Variants in ARHGAP35 observed in about 807,000 individuals in gnomAD.
ARHGAP35 encodes Rho GTPase activating protein 35.
Under a neutral mutation model 111.1 loss-of-function variants are expected in ARHGAP35, and 15 were observed. That is an observed-to-expected ratio of 0.13 (90% CI 0.09 to 0.21). The LOEUF (loss-of-function observed/expected upper bound fraction) is 0.21, where lower values mean the gene tolerates loss of function less well. Ranked by LOEUF, ARHGAP35 falls within the 10% of genes least tolerant of loss-of-function variation. ARHGAP35 has a pLI of 1.00. For missense variants in ARHGAP35, 1,262 were observed against 1,873.0 expected (o/e 0.67, Z 6.02); for synonymous variants, 643 against 710.3 (o/e 0.91, Z 1.51).
chr19:46,897,695 C>CAAA (rs11434545), intron 1 of ARHGAP35, among the ~76,000 whole-genome samples: 32 of 133,698 alleles, frequency 2.4e-4, no homozygotes, highest in Middle Eastern at 3.6e-3. Flanking sequence ...GATCTTTAAC[C>CAAA]AAAAAAAAAA....
At chr19:46,863,955 A>G (rs2055842423) in intron 1 of ARHGAP35, among the ~76,000 whole-genome samples, 1 of 152,200 alleles carries the variant, frequency 6.6e-6, no homozygotes, top group African/African-American at 2.4e-5. Context: ...TTGTTTGTTG[A>G]AAGAGAGAGT....
At chr19:46,933,198 C>T (rs1369179558) in intron 2 of ARHGAP35, among the ~76,000 whole-genome samples, 2 of 138,572 alleles carry the variant, frequency 1.4e-5, no homozygotes, top group East Asian at 4.1e-4. Context: ...GGCTGGAGTG[C>T]AGTGGCACAA....
In ARHGAP35 at chr19:47,001,202, A is replaced by C. The variant is rs2056746559; in HGVS notation, c.*514A>C. ...GCTGGCGGCCTCCTTGGGAACGTGT[A>C]GGCCACGGCTCTGCCACCACTAGGT... is the stretch of plus-strand genomic sequence containing the variant. On this transcript the variant is annotated 3_prime_UTR_variant, in exon 7 of 7. Coordinates refer to ENST00000672722, the MANE Select transcript of ARHGAP35 (RefSeq NM_004491.5). This position sits in a 1 kb window ranked among gnomAD's most constrained non-coding sequence, Gnocchi z 5.4. 5.5e-6 allele frequency: 7 copies of C among 1,264,750 alleles called. No homozygotes were observed. In the Admixed American group the frequency reaches 7.6e-5, roughly 14 times the overall value. The allele number at this position is 1,264,750 out of a possible 1,614,324, so 78.3% of individuals were successfully genotyped here. A position where few individuals can be genotyped will look rare whatever the true frequency, so the allele number is the denominator to read the frequency against.
At chr19:46,936,960 C>T (rs1230734026) in intron 2 of ARHGAP35, among the ~76,000 whole-genome samples, 3 of 151,944 alleles carry the variant, frequency 2.0e-5, no homozygotes, top group Non-Finnish European at 1.5e-5. Flanking sequence ...CTGCCTCAGC[C>T]TCCCAAGTAG....
At chr19:46,893,521 C>A (rs1297480595) in intron 1 of ARHGAP35, among the ~76,000 whole-genome samples, 2 of 151,928 alleles carry the variant, frequency 1.3e-5, no homozygotes, top group Non-Finnish European at 2.9e-5. Context: ...TGGGCACCAA[C>A]TTCTGCTTGG....
In ARHGAP35 at chr19:47,004,574, A is replaced by G. The variant is rs373991750; in HGVS notation, c.*3886A>G. Reference sequence around the variant, plus strand: ...GAAAATTTGGAATAGTGCTGCTGCCAGCTTATTTTTCTGGTACTTGTATTT... The same window carrying G: ...GAAAATTTGGAATAGTGCTGCTGCCGGCTTATTTTTCTGGTACTTGTATTT... On this transcript the variant is annotated 3_prime_UTR_variant, in exon 7 of 7. Transcript: ENST00000672722. 2.0e-5 allele frequency: 3 copies of G among 152,820 alleles called. No individual in the cohort carries two copies. The East Asian group carries it at 5.8e-4, about 29-fold the overall frequency. 9.5% of individuals were successfully genotyped at this position (152,820 alleles called of 1,614,324 possible).
chr19:46,942,093 C>G (rs2056350753), intron 3 of ARHGAP35, among the ~76,000 whole-genome samples: 1 of 151,958 alleles, frequency 6.6e-6, no homozygotes, highest in Non-Finnish European at 1.5e-5. Context: ...ACCCTTATTT[C>G]CTAAGAAAAC....
At chr19:46,873,840 C>G (rs954806364) in intron 1 of ARHGAP35, among the ~76,000 whole-genome samples, 1 of 152,008 alleles carries the variant, frequency 6.6e-6, no homozygotes, top group African/African-American at 2.4e-5. Context: ...CTTCCGCCTC[C>G]GGGGTACACG....
At chr19:46,896,380 T>G (rs527533963) in intron 1 of ARHGAP35, among the ~76,000 whole-genome samples, 1 of 152,318 alleles carries the variant, frequency 6.6e-6, no homozygotes, top group African/African-American at 2.4e-5. Context: ...CAAGTCCCTG[T>G]CTCAAATAAA....
intron 1 of ARHGAP35, among the ~76,000 whole-genome samples, chr19:46,910,296 T>G (rs186945256): frequency 6.6e-6 from 1 of 151,994 alleles, no homozygotes; most frequent in African/African-American, 2.4e-5. Context: ...ATTTTTTTTC[T>G]TTTATTTTTT....
At chr19:46,867,243 T>C (rs537239399) in intron 1 of ARHGAP35, among the ~76,000 whole-genome samples, 51 of 152,258 alleles carry the variant, frequency 3.3e-4, no homozygotes, top group Non-Finnish European at 6.5e-4. Flanking sequence ...TCTTCCTTTA[T>C]TGAAACGAAC....
intron 1 of ARHGAP35, among the ~76,000 whole-genome samples, chr19:46,873,084 A>G (rs1004461460): frequency 3.3e-5 from 5 of 152,276 alleles, no homozygotes; most frequent in Admixed American, 2.6e-4. Context: ...TAGGTCCCCA[A>G]AGCAGTCTGG....
intron 1 of ARHGAP35, among the ~76,000 whole-genome samples, chr19:46,917,450 A>G (rs2056170472): frequency 6.6e-6 from 1 of 152,114 alleles, no homozygotes; most frequent in Non-Finnish European, 1.5e-5. Flanking sequence ...TCTACTAAAA[A>G]TACAAAAGTT....
chr19:46,924,577 A>C (rs944201251), intron 2 of ARHGAP35, among the ~76,000 whole-genome samples: 2 of 152,150 alleles, frequency 1.3e-5, no homozygotes, highest in African/African-American at 4.8e-5. Context: ...TCTCCTCCAA[A>C]GGTTGGTAGG....
chr19:46,965,471 TTTG>T (rs2056509457), intron 3 of ARHGAP35, among the ~76,000 whole-genome samples: 1 of 61,090 alleles, frequency 1.6e-5, no homozygotes, highest in Admixed American at 1.5e-4. Flanking sequence ...GGGTTTTTTG[TTTG>T]TTTGTTTGTT....
intron 1 of ARHGAP35, among the ~76,000 whole-genome samples, chr19:46,877,661 T>A (rs2055933099): frequency 6.6e-6 from 1 of 152,186 alleles, no homozygotes; most frequent in Non-Finnish European, 1.5e-5. Context: ...TAAAAAAGTA[T>A]ATACCTTAAT....
intron 2 of ARHGAP35, among the ~76,000 whole-genome samples, chr19:46,931,831 T>G (rs1288699788): frequency 6.6e-6 from 1 of 152,216 alleles, no homozygotes; most frequent in Non-Finnish European, 1.5e-5. Context: ...GCTGTGAATC[T>G]CCATGAGTCT....
Position 46,987,977 on chromosome 19 carries a change from G to A in ARHGAP35, c.3827-12G>A. 6.2e-7 allele frequency: 1 copy of A among 1,613,536 alleles called. No individual in the cohort carries two copies. The highest frequency in any genetic ancestry group is 8.5e-7 in the Non-Finnish European group (1 of 1,179,702). On this transcript the variant is annotated splice_polypyrimidine_tract_variant and intron_variant, in intron 3 of 6. Transcript: ENST00000672722. ...AGTTCCTGCTCCTAAGACCCTGCCT[G>A]TTTCTCCTCAGGACTGAGCACGGAA...
Position 46,888,287 on chromosome 19 carries a change from TATATATATATATATATATATATA to T in ARHGAP35, c.-189+27079_-189+27101del, listed in dbSNP as rs1240773225. Among the ~76,000 whole-genome samples, 334 of 59,246 alleles carry T rather than the reference TATATATATATATATATATATATA, an allele frequency of 5.6e-3. 9 individuals carry two copies. The highest frequency in any genetic ancestry group is 6.2e-3 in the Non-Finnish European group (204 of 32,970). 38.9% of individuals were successfully genotyped at this position (59,246 alleles called of 152,430 possible). On this transcript the variant is annotated intron_variant, in intron 1 of 6. Transcript: ENST00000672722. ...ATATATATATATATATATATATATA[TATATATATATATATATATATATA>T]TATATATAAAATATTGATTTTATAC...
Sources: gnomAD v4.1 joint callset for allele counts (sites outside exome capture counted in the v4.1 genomes callset) on GRCh38, gnomAD v4.1.1 for gene constraint, Gnocchi (gnomAD v3.1) non-coding constraint, MANE v1.5 for transcripts, NCBI Gene and HGNC (gene_info 2026-07-23, HGNC 2026-07-21) for gene names.